DNAJC1: variants seen among roughly 807,000 people sequenced by gnomAD.
The protein encoded by DNAJC1 is dnaJ homolog subfamily C member 1.
DNAJC1 carries 58 observed loss-of-function variants against 76.6 expected under a neutral mutation model. The ratio of observed to expected loss-of-function variants is 0.76; its 90% CI spans 0.61 to 0.94. DNAJC1 has a LOEUF of 0.94. DNAJC1 is among the 40% of genes least tolerant of loss of function. The pLI, the probability that DNAJC1 is intolerant of heterozygous loss-of-function variation, is 0.00. For missense variants in DNAJC1, 689 were observed against 677.3 expected, an observed-to-expected ratio of 1.02 and a Z score of -0.19; for synonymous variants, 258 against 267.9, an observed-to-expected ratio of 0.96 and a Z score of 0.36.
intron 9 of DNAJC1, among the ~76,000 whole-genome samples, chr10:21,789,797 G>A (rs1834658148): frequency 6.6e-6 from 1 of 151,958 alleles, no homozygotes; most frequent in African/African-American, 2.4e-5. Context: ...ATCACATGAA[G>A]CCAGGAGTTC....
chr10:21,770,739 T>A (rs1834364467), intron 9 of DNAJC1, among the ~76,000 whole-genome samples: 2 of 152,188 alleles, frequency 1.3e-5, no homozygotes, highest in African/African-American at 4.8e-5. Context: ...TACATATACT[T>A]TTATCAGACA....
At chr10:21,895,891 C>T (rs1401488587) in intron 7 of DNAJC1, among the ~76,000 whole-genome samples, 1 of 152,196 alleles carries the variant, frequency 6.6e-6, no homozygotes. Context: ...CTTTCCCACA[C>T]ATTCAGACAC....
chr10:21,941,456 C>T (rs1837410225), intron 1 of DNAJC1, among the ~76,000 whole-genome samples: 1 of 151,744 alleles, frequency 6.6e-6, no homozygotes, highest in Non-Finnish European at 1.5e-5. Flanking sequence ...TAATAGTATC[C>T]TGGGTATTTA....
chr10:21,798,750 C>T (rs1344987466), intron 9 of DNAJC1, among the ~76,000 whole-genome samples: 2 of 152,178 alleles, frequency 1.3e-5, no homozygotes, highest in Non-Finnish European at 2.9e-5. Flanking sequence ...TCTTTCATTG[C>T]ATGCATCTGG....
Position 21,829,698 on chromosome 10 carries a change from T to C in DNAJC1, c.979-23599A>G, listed in dbSNP as rs188637174. Among the ~76,000 whole-genome samples the C allele has an allele frequency of 3.9e-3, 596 of 152,350 alleles. 5 individuals carry two copies. The highest frequency in any genetic ancestry group is 0.014 in the African/African-American group (562 of 41,588). Reference sequence around the variant, plus strand: ...TCAGTGACATTATGCTTTAAATGTCTCTCCTGTAAATAACATATGGCTGGA... The same window carrying C: ...TCAGTGACATTATGCTTTAAATGTCCCTCCTGTAAATAACATATGGCTGGA... On this transcript the variant is annotated intron_variant, in intron 8 of 11. Coordinates refer to ENST00000376980, the MANE Select transcript of DNAJC1 (RefSeq NM_022365.4).
At chr10:21,842,982 T>G (rs1835597694) in intron 8 of DNAJC1, among the ~76,000 whole-genome samples, 1 of 152,248 alleles carries the variant, frequency 6.6e-6, no homozygotes, top group African/African-American at 2.4e-5. Context: ...TTCTTATTAG[T>G]TGAATAAATA....
intron 8 of DNAJC1, among the ~76,000 whole-genome samples, chr10:21,843,129 A>G (rs1835599677): frequency 6.6e-6 from 1 of 152,208 alleles, no homozygotes; most frequent in South Asian, 2.1e-4. Flanking sequence ...GAATTGAGGA[A>G]AAATGTCTCA....
intron 6 of DNAJC1, among the ~76,000 whole-genome samples, chr10:21,908,204 T>TATA (rs1564823980): frequency 3.2e-4 from 30 of 92,920 alleles, no homozygotes; most frequent in African/African-American, 1.3e-3. Context: ...ATTATATATA[T>TATA]AAAATATATA....
At chr10:21,767,850 CCAGGCACGGTGG>C (rs1834318976) in intron 9 of DNAJC1, among the ~76,000 whole-genome samples, 1 of 152,136 alleles carries the variant, frequency 6.6e-6, no homozygotes, top group African/African-American at 2.4e-5. Flanking sequence ...CAAAAATTAT[CCAGGCACGGTGG>C]CACACGCCTG....
intron 9 of DNAJC1, among the ~76,000 whole-genome samples, chr10:21,772,796 AT>A (rs1834403226): frequency 2.0e-5 from 3 of 151,998 alleles, no homozygotes; most frequent in Admixed American, 6.6e-5. Context: ...AGATTGGGTA[AT>A]TTATAAAGAA....
At chr10:21,839,541 A>G (rs1236609648) in intron 8 of DNAJC1, among the ~76,000 whole-genome samples, 1 of 152,246 alleles carries the variant, frequency 6.6e-6, no homozygotes, top group Admixed American at 6.5e-5. Flanking sequence ...TCCTCCCAAG[A>G]CTAAACCAGG....
chr10:21,901,553 A>G (rs1224252486), intron 7 of DNAJC1, among the ~76,000 whole-genome samples: 2 of 152,216 alleles, frequency 1.3e-5, no homozygotes, highest in East Asian at 3.9e-4. Context: ...TATATCAACA[A>G]TTTTTTTACA....
intron 1 of DNAJC1, among the ~76,000 whole-genome samples, chr10:21,949,153 A>G (rs887457024): frequency 2.6e-5 from 4 of 152,228 alleles, no homozygotes; most frequent in African/African-American, 4.8e-5. Context: ...AAAGGAAATG[A>G]AATAACTGTA....
At chr10:21,797,349 C>T (rs1021610744) in intron 9 of DNAJC1, among the ~76,000 whole-genome samples, 2 of 152,106 alleles carry the variant, frequency 1.3e-5, no homozygotes, top group African/African-American at 4.8e-5. Context: ...ATTACTATAA[C>T]TTTCTAATAT....
chr10:21,929,182 T>C (rs772281883), intron 1 of DNAJC1, 41 bp from the exon 2 acceptor site: 1 of 1,433,008 alleles, frequency 7.0e-7, no homozygotes, highest in Non-Finnish European at 9.7e-7. Context: ...AAGCAAACTT[T>C]GTCAGAAAAA....
At chr10:21,955,937 T>C (rs933158575) in intron 1 of DNAJC1, among the ~76,000 whole-genome samples, 1 of 152,326 alleles carries the variant, frequency 6.6e-6, no homozygotes, top group African/African-American at 2.4e-5. Flanking sequence ...AAAAACTACT[T>C]TAAAAAATTT....
chr10:21,977,508 T>A (rs1310410816), intron 1 of DNAJC1, among the ~76,000 whole-genome samples: 3 of 152,140 alleles, frequency 2.0e-5, no homozygotes, highest in African/African-American at 7.2e-5. Context: ...AGAAAAGACT[T>A]GTGTGGCTTA....
At chr10:21,803,213 G>A (rs959703571) in intron 9 of DNAJC1, among the ~76,000 whole-genome samples, 2 of 151,952 alleles carry the variant, frequency 1.3e-5, no homozygotes, top group African/African-American at 4.8e-5. Context: ...TCTCCCAAAA[G>A]GTCAATTGTT....
chr10:21,952,210 C>T (rs1837608519), intron 1 of DNAJC1, among the ~76,000 whole-genome samples: 2 of 151,944 alleles, frequency 1.3e-5, no homozygotes, highest in Admixed American at 6.6e-5. Context: ...TAAGTAAAAC[C>T]CCCAAAAACT....
Sources: allele counts gnomAD v4.1 joint callset (sites outside exome capture counted in the v4.1 genomes callset), GRCh38; gene constraint gnomAD v4.1.1; transcripts MANE v1.5; gene names NCBI Gene and HGNC (gene_info 2026-07-23, HGNC 2026-07-21).